LAMC3: variants seen among roughly 807,000 people sequenced by gnomAD.
LAMC3 encodes the protein laminin subunit gamma 3, also known as laminin subunit gamma-3.
Under a neutral mutation model 173.8 loss-of-function variants are expected in LAMC3, and 128 were observed. The ratio of observed to expected loss-of-function variants is 0.74; its 90% confidence interval spans 0.64 to 0.85. The LOEUF (loss-of-function observed/expected upper bound fraction) is 0.85. Among genes scored for constraint, LAMC3 ranks in the 40% least tolerant of loss-of-function variants. LAMC3 has a pLI of 0.00. For synonymous variants in LAMC3, 897 were observed against 909.1 expected (o/e 0.99, Z 0.24); for missense variants, 2,022 against 2,156.0 (o/e 0.94, Z 1.23).
intron 1 of LAMC3, among the ~76,000 whole-genome samples, chr9:131,025,911 G>C (rs1198728743): frequency 6.6e-6 from 1 of 152,176 alleles, no homozygotes; most frequent in Admixed American, 6.5e-5. Flanking sequence ...AGCTTCGTTG[G>C]GGTGTAGTAA....
chr9:131,034,115 C>T (rs2133242403), intron 3 of LAMC3, among the ~76,000 whole-genome samples: 1 of 152,324 alleles, frequency 6.6e-6, no homozygotes, highest in South Asian at 2.1e-4. Context: ...CAGAGCCAGA[C>T]CACCCTCAGA....
chr9:131,057,200 G>A (rs184919233), intron 12 of LAMC3, 53 bp downstream of exon 12: 29 of 1,495,558 alleles, frequency 1.9e-5, no homozygotes, highest in African/African-American at 4.1e-5. Context: ...CCAAAACAGC[G>A]GGATGAGTAC....
rs201023030 is a variant in LAMC3, at chr9:131,087,553, G to A, written c.4308G>A (p.Thr1436=). The change falls in exon 26 of 28, where the codon ACG becomes ACA. Residue 1436 remains threonine, a synonymous_variant. Transcript: ENST00000361069. ...ASRLTSQTQA[T]LQQASQQVLA... is the part of the protein sequence containing the mutation. ...GGCTCACCAGCCAGACGCAAGCCACGCTCCAACAGGCGTCCCAGCAGGTGC... is the reference window on the plus strand; with the variant it reads ...GGCTCACCAGCCAGACGCAAGCCACACTCCAACAGGCGTCCCAGCAGGTGC... The A allele has an allele frequency of 6.8e-6, 11 of 1,613,912 alleles. No individual in the cohort carries two copies. The highest frequency in any genetic ancestry group is 4.0e-5 in the African/African-American group (3 of 75,080).
rs398012456 is a variant in LAMC3 at position 131,047,165 on chromosome 9, C to CTTTTTTTTTTTTTT, written c.1519+1509_1519+1522dup. Among the ~76,000 whole-genome samples, 34 of 102,154 alleles carry CTTTTTTTTTTTTTT rather than the reference C, an allele frequency of 3.3e-4. 2 individuals are homozygous for CTTTTTTTTTTTTTT. The highest frequency in any genetic ancestry group is 9.4e-4 in the African/African-American group (25 of 26,580). 67.0% of individuals were successfully genotyped at this position (102,154 alleles called of 152,430 possible). Reference sequence around the variant, plus strand: ...AAAACTTTTTGGTCTCTGAATTCCTCTTTTTTTTTTTTTTTTTAAGACGGA... The same window carrying CTTTTTTTTTTTTTT: ...AAAACTTTTTGGTCTCTGAATTCCTCTTTTTTTTTTTTTTTTTTTTTTTTTTTTTTTAAGACGGA... On this transcript the variant is annotated intron_variant, in intron 8 of 27. Coordinates refer to ENST00000361069, the MANE Select transcript of LAMC3 (RefSeq NM_006059.4).
intron 1 of LAMC3, among the ~76,000 whole-genome samples, chr9:131,019,057 G>A (rs552631530): frequency 6.6e-6 from 1 of 152,230 alleles, no homozygotes; most frequent in South Asian, 2.1e-4. Flanking sequence ...GAGGTCAGGA[G>A]TTTGAGACTA....
chr9:131,052,086 ACTC>A (rs555777500), intron 9 of LAMC3, among the ~76,000 whole-genome samples: 46 of 151,980 alleles, frequency 3.0e-4, no homozygotes, highest in Middle Eastern at 6.8e-3. Flanking sequence ...GTCCCGCTAA[ACTC>A]CTGCTGCTGG....
At chr9:131,079,650 C>T (rs570046362) in intron 23 of LAMC3, among the ~76,000 whole-genome samples, 4 of 152,032 alleles carry the variant, frequency 2.6e-5, no homozygotes, top group African/African-American at 4.8e-5. Flanking sequence ...GCTGAGATCG[C>T]GCCACTGCAC....
intron 11 of LAMC3, among the ~76,000 whole-genome samples, chr9:131,053,322 G>A (rs887062230): frequency 2.6e-5 from 4 of 152,164 alleles, no homozygotes; most frequent in Non-Finnish European, 5.9e-5. Flanking sequence ...GCCCACAGCC[G>A]GCAGTCCAGG....
chr9:131,025,619 G>A (rs1833702129), intron 1 of LAMC3, among the ~76,000 whole-genome samples: 1 of 152,156 alleles, frequency 6.6e-6, no homozygotes, highest in South Asian at 2.1e-4. Context: ...CTTTCGAGGA[G>A]GTGAGCATGA....
At position 131,084,181 on chromosome 9, in the gene LAMC3, C is replaced by A. The variant is rs139896516; in HGVS notation, c.4031-1343C>A. Among the ~76,000 whole-genome samples the A allele has an allele frequency of 3.6e-3, 552 of 151,906 alleles. 1 individual carries two copies. The highest frequency in any genetic ancestry group is 6.9e-3 in the South Asian group (33 of 4,788). On this transcript the variant is annotated intron_variant, in intron 24 of 27. Transcript: ENST00000361069. ...TACAGGCGTAAGTCACCGTGCCTGG[C>A]CTGTATTCAGTTCTTTTGATGATAA...
intron 18 of LAMC3, 32 bp from the exon 19 acceptor site, chr9:131,072,597 CT>C (rs1311655819): frequency 6.3e-7 from 1 of 1,580,116 alleles, no homozygotes; most frequent in Non-Finnish European, 8.6e-7. Flanking sequence ...ATCTCCACCA[CT>C]TTGTGACCCC....
In LAMC3 at chr9:131,068,969, A is replaced by C. The variant is rs1588162299; in HGVS notation, c.2809A>C (p.Thr937Pro). 2 of 1,614,020 alleles carry C rather than the reference A, an allele frequency of 1.2e-6. No individual in the cohort carries two copies. The highest frequency in any genetic ancestry group is 1.7e-6 in the Non-Finnish European group (2 of 1,179,976). The change falls in exon 16 of 28, where the codon ACC becomes CCC. Residue 937 changes from threonine to proline, a missense_variant. Physicochemically the swap from Thr to Pro is conservative, Grantham distance 38. Coordinates refer to ENST00000361069, the MANE Select transcript of LAMC3 (RefSeq NM_006059.4). ...DQCHPKTGQC[T>P]CRPGVTGQAC... ...GTGCCATCCCAAGACTGGACAGTGC[A>C]CCTGCCGCCCAGGTGTCACAGGCCA...
At chr9:131,085,194 A>T (rs1462799285) in intron 24 of LAMC3, among the ~76,000 whole-genome samples, 2 of 152,302 alleles carry the variant, frequency 1.3e-5, no homozygotes, top group East Asian at 3.9e-4. Flanking sequence ...AGTACATGAA[A>T]ATGCCGAGCT....
Position 131,061,023 on chromosome 9 carries a change from C to T in LAMC3, c.2159-12C>T. The stretch of plus-strand genomic sequence containing the variant: ...TCTGGGTTCAGACAGTGGTGCTTGT[C>T]TTGCCCCTCAGGGATCTGTGTCTGC... On this transcript the variant is annotated splice_polypyrimidine_tract_variant and intron_variant, in intron 12 of 27. Coordinates refer to ENST00000361069, the MANE Select transcript of LAMC3 (RefSeq NM_006059.4). The T allele has an allele frequency of 6.2e-7, 1 of 1,613,920 alleles. No individual in the cohort carries two copies. Among genetic ancestry groups the T allele is most frequent in the Non-Finnish European group, 8.5e-7 (1 of 1,179,846 alleles).
chr9:131,014,134 G>T (rs1407157709), intron 1 of LAMC3, among the ~76,000 whole-genome samples: 1 of 152,234 alleles, frequency 6.6e-6, no homozygotes, highest in African/African-American at 2.4e-5. Context: ...TAATCCAGGA[G>T]ATGCAGGGCT....
intron 4 of LAMC3, among the ~76,000 whole-genome samples, chr9:131,036,931 G>A (rs985660706): frequency 1.3e-5 from 2 of 152,250 alleles, no homozygotes; most frequent in South Asian, 2.1e-4. Flanking sequence ...CACAGCCGCC[G>A]TTGCTGGGGG....
chr9:131,077,860 G>A (rs1830162672), intron 22 of LAMC3, among the ~76,000 whole-genome samples: 1 of 151,996 alleles, frequency 6.6e-6, no homozygotes, highest in African/African-American at 2.4e-5. Flanking sequence ...ACCATTCTCT[G>A]TTGATAATGT....
Position 131,046,180 on chromosome 9 carries a change from CTTTTTTT to C in LAMC3, c.1519+543_1519+549del, listed in dbSNP as rs61108655. Among the ~76,000 whole-genome samples, 187 of 76,536 alleles carry C rather than the reference CTTTTTTT, an allele frequency of 2.4e-3. 1 individual carries two copies. Among genetic ancestry groups the C allele is most frequent in the African/African-American group, 0.011 (166 of 14,824 alleles). 50.2% of individuals were successfully genotyped at this position (76,536 alleles called of 152,430 possible). A position where few individuals can be genotyped will look rare whatever the true frequency, so the allele number is the denominator to read the frequency against. On this transcript the variant is annotated intron_variant, in intron 8 of 27. Transcript: ENST00000361069. Reference sequence around the variant, plus strand: ...ATTTGTCAGCTCCTGAGTTTTGCTCCTTTTTTTTTTTTTTTTTTTTTTTTTTTTTGGA... The same window carrying C: ...ATTTGTCAGCTCCTGAGTTTTGCTCCTTTTTTTTTTTTTTTTTTTTTTGGA...
intron 3 of LAMC3, among the ~76,000 whole-genome samples, chr9:131,034,560 CG>C (rs145855958): frequency 0.017 from 2,531 of 152,336 alleles, 78 homozygotes; most frequent in African/African-American, 0.058. Context: ...CACGTGGAGT[CG>C]ATGAGGACGG....
Sources: allele counts gnomAD v4.1 joint callset (sites outside exome capture counted in the v4.1 genomes callset), GRCh38; gene constraint gnomAD v4.1.1; transcripts MANE v1.5; gene names NCBI Gene and HGNC (gene_info 2026-07-23, HGNC 2026-07-21).